Variants in TMEM192 observed in about 807,000 individuals in gnomAD.
TMEM192 encodes transmembrane protein 192.
TMEM192 carries 20 observed loss-of-function variants against 26.7 expected under a neutral mutation model. That is an observed-to-expected ratio of 0.75 (90% CI 0.53 to 1.09). The LOEUF is 1.09. Among genes scored for constraint, TMEM192 ranks in the 50% least tolerant of loss-of-function variants. The probability of loss-of-function intolerance (pLI) is 0.00; values close to 1 mark genes in which losing one functional copy is unlikely to be tolerated. For missense variants in TMEM192, 304 were observed against 322.6 expected, an observed-to-expected ratio of 0.94 and a Z score of 0.44; for synonymous variants, 124 against 121.0, an observed-to-expected ratio of 1.02 and a Z score of -0.16.
In TMEM192 at chr4:165,107,050, A is replaced by G. The variant is rs149811282; in HGVS notation, c.28-3954T>C. On this transcript the variant is annotated intron_variant, in intron 1 of 5. Coordinates refer to ENST00000306480, the MANE Select transcript of TMEM192 (RefSeq NM_001100389.2). The stretch of plus-strand genomic sequence containing the variant: ...TTTTTTTTTTCTTTTTTTGAGACAG[A>G]GTCTTGCTCTGTCCCCCAGGCTGGA... Among the ~76,000 whole-genome samples, 612 of 150,792 alleles carry G rather than the reference A, an allele frequency of 4.1e-3. 5 individuals are homozygous for G. The highest frequency in any genetic ancestry group is 0.014 in the African/African-American group (577 of 41,046).
intron 3 of TMEM192, 50 bp downstream of exon 3, chr4:165,100,578 T>G: frequency 6.4e-7 from 1 of 1,565,736 alleles, no homozygotes; most frequent in African/African-American, 1.4e-5. Context: ...CTTTCTGCTG[T>G]CATTTTTGTC....
At chr4:165,089,391 G>A (rs1340448423) in intron 3 of TMEM192, among the ~76,000 whole-genome samples, 4 of 152,088 alleles carry the variant, frequency 2.6e-5, no homozygotes, top group Non-Finnish European at 5.9e-5. Flanking sequence ...CGCTATCTCG[G>A]CTCACTGCAA....
intron 3 of TMEM192, among the ~76,000 whole-genome samples, chr4:165,098,508 C>T (rs1230325732): frequency 1.3e-5 from 2 of 151,864 alleles, no homozygotes; most frequent in Admixed American, 6.6e-5. Context: ...TGGGGGAACT[C>T]ACTATGTTGC....
At chr4:165,086,655 C>G (rs1248697683) in intron 4 of TMEM192, among the ~76,000 whole-genome samples, 1 of 151,986 alleles carries the variant, frequency 6.6e-6, no homozygotes, top group Admixed American at 6.6e-5. Context: ...AAACTCCTGG[C>G]CTCAAGTGAT....
At chr4:165,112,241 C>G (rs1437841950) in intron 1 of TMEM192, among the ~76,000 whole-genome samples, 2 of 152,206 alleles carry the variant, frequency 1.3e-5, no homozygotes, top group Admixed American at 6.5e-5. Context: ...GACGCTGGCG[C>G]CCGGCCCGAG....
chr4:165,105,387 G>A (rs978646820), intron 1 of TMEM192, among the ~76,000 whole-genome samples: 2 of 152,198 alleles, frequency 1.3e-5, no homozygotes, highest in African/African-American at 4.8e-5. Flanking sequence ...TAAGAGCTGT[G>A]GTTAAGGTCA....
intron 3 of TMEM192, among the ~76,000 whole-genome samples, chr4:165,091,530 G>A (rs1320435940): frequency 6.6e-6 from 1 of 152,096 alleles, no homozygotes; most frequent in African/African-American, 2.4e-5. Context: ...GTTCTATGTA[G>A]GAACGTAGAA....
chr4:165,087,883 C>T (rs1180912695), intron 4 of TMEM192, among the ~76,000 whole-genome samples: 1 of 152,136 alleles, frequency 6.6e-6, no homozygotes, highest in Non-Finnish European at 1.5e-5. Flanking sequence ...CAGCTGCCTT[C>T]AGAGAAGCAA....
chr4:165,091,428 G>C (rs1295530307), intron 3 of TMEM192, among the ~76,000 whole-genome samples: 3 of 152,126 alleles, frequency 2.0e-5, no homozygotes, highest in Non-Finnish European at 2.9e-5. Flanking sequence ...GCTATAATTG[G>C]ATTATGTTGA....
At chr4:165,111,102 T>C (rs1466843121) in intron 1 of TMEM192, among the ~76,000 whole-genome samples, 1 of 152,212 alleles carries the variant, frequency 6.6e-6, no homozygotes, top group East Asian at 1.9e-4. Context: ...TTATTTATTT[T>C]TATTTTTGAG....
chr4:165,088,516 A>C lies in TMEM192; in HGVS notation c.526T>G (p.Leu176Val). The part of the protein sequence containing the change: ...RLYLDLILAI[L>V]ALELICSLIC... Reference sequence around the variant, plus strand: ...AGGGAACAGATGAGTTCCAGTGCCAAGATGGCCAGAATGAGGTCAAGATAC... The same window carrying C: ...AGGGAACAGATGAGTTCCAGTGCCACGATGGCCAGAATGAGGTCAAGATAC... The change falls in exon 4 of 6, where the codon TTG becomes GTG. Residue 176 changes from leucine to valine, a missense_variant. Leu to Val is a conservative substitution (Grantham distance 32). Coordinates refer to ENST00000306480, the MANE Select transcript of TMEM192 (RefSeq NM_001100389.2). 5 of 1,613,790 alleles carry C rather than the reference A, an allele frequency of 3.1e-6. No homozygotes were observed. Among genetic ancestry groups the C allele is most frequent in the Non-Finnish European group, 4.2e-6 (5 of 1,179,880 alleles).
chr4:165,080,919 T>C (rs997840165), intron 5 of TMEM192, among the ~76,000 whole-genome samples: 5 of 152,142 alleles, frequency 3.3e-5, no homozygotes, highest in African/African-American at 4.8e-5. Context: ...TTTACCATGT[T>C]GGCCAGGCTG....
At chr4:165,096,672 G>C (rs1734915429) in intron 3 of TMEM192, among the ~76,000 whole-genome samples, 1 of 146,698 alleles carries the variant, frequency 6.8e-6, no homozygotes, top group East Asian at 2.0e-4. Context: ...TTAAAAAATA[G>C]AAATAAGGTA....
Position 165,076,952 on chromosome 4 carries a change from C to G in TMEM192, c.*2706G>C, listed in dbSNP as rs35654372. Reference sequence around the variant, plus strand: ...GAGTAGCTGGGATTACAGATGCGTGCCACCATGCCTGGCTTATTTTGTATT... The same window carrying G: ...GAGTAGCTGGGATTACAGATGCGTGGCACCATGCCTGGCTTATTTTGTATT... On this transcript the variant is annotated 3_prime_UTR_variant, in exon 6 of 6. Coordinates refer to ENST00000306480, the MANE Select transcript of TMEM192 (RefSeq NM_001100389.2). 0.26 allele frequency: 40,258 copies of G among 151,970 alleles called. 6,042 individuals carry two copies. Among genetic ancestry groups the G allele is most frequent in the Admixed American group, 0.4 (6,076 of 15,242 alleles). 9.4% of individuals were successfully genotyped at this position (151,970 alleles called of 1,614,324 possible).
intron 3 of TMEM192, among the ~76,000 whole-genome samples, chr4:165,093,341 C>T (rs1035690517): frequency 2.0e-5 from 3 of 151,728 alleles, no homozygotes; most frequent in Non-Finnish European, 4.4e-5. Flanking sequence ...GTGATTCACC[C>T]GCCTCGGCCT....
At chr4:165,091,355 T>C (rs1362640784) in intron 3 of TMEM192, among the ~76,000 whole-genome samples, 3 of 152,160 alleles carry the variant, frequency 2.0e-5, no homozygotes, top group Non-Finnish European at 4.4e-5. Flanking sequence ...CCCTTTAATT[T>C]GTGGGATCTA....
intron 1 of TMEM192, among the ~76,000 whole-genome samples, chr4:165,107,336 AAAAACAAAAAC>A (rs1735186072): frequency 1.5e-5 from 2 of 131,716 alleles, no homozygotes; most frequent in Non-Finnish European, 3.2e-5. Context: ...TTTTTAAAAC[AAAAACAAAAAC>A]AAAAAAAAAA....
intron 5 of TMEM192, 122 bp from the exon 6 acceptor site, chr4:165,079,918 T>A (rs1734483966): frequency 1.1e-6 from 1 of 871,340 alleles, no homozygotes; most frequent in Non-Finnish European, 1.6e-6. Context: ...TTCTTAGATG[T>A]CAGAAGCCAG....
In TMEM192 at chr4:165,112,838, G is replaced by T. The variant is rs1188548461; in HGVS notation, c.-65C>A. 1.3e-6 allele frequency: 2 copies of T among 1,575,304 alleles called. No homozygotes were observed. The highest frequency in any genetic ancestry group is 8.6e-7 in the Non-Finnish European group (1 of 1,166,094). On this transcript the variant is annotated 5_prime_UTR_variant, in exon 1 of 6. Transcript: ENST00000306480. ...TCTCCACCTGGACCTGTAAGCCTCT[G>T]GCCGCGAAACTCGCCACCTTCTGGG...
Sources: allele counts gnomAD v4.1 joint callset (sites outside exome capture counted in the v4.1 genomes callset), GRCh38; gene constraint gnomAD v4.1.1; transcripts MANE v1.5; gene names NCBI Gene and HGNC (gene_info 2026-07-23, HGNC 2026-07-21).